The following SIPA1 variants were observed in gnomAD, a reference collection of about 807,000 sequenced individuals.
SIPA1 encodes signal-induced proliferation-associated protein 1.
A neutral mutation model predicts 88.1 loss-of-function variants in SIPA1; 51 were observed. That is an observed-to-expected ratio of 0.58 (90% confidence interval 0.46 to 0.73). The LOEUF (loss-of-function observed/expected upper bound fraction) is 0.73. Among genes scored for constraint, SIPA1 ranks in the 30% least tolerant of loss-of-function variants. The pLI, the probability that SIPA1 is intolerant of heterozygous loss-of-function variation, is 0.00. For synonymous variants in SIPA1, 681 were observed against 664.8 expected (o/e 1.02, Z -0.37); for missense variants, 1,348 against 1,467.6 (o/e 0.92, Z 1.33).
chr11:65,640,709 G>A (rs774025087), intron 1 of SIPA1, 122 bp from the exon 2 acceptor site: 14 of 507,136 alleles, frequency 2.8e-5, no homozygotes, highest in African/African-American at 6.1e-5. Context: ...CCTGGAAAGC[G>A]GAAGCAGCTT....
chr11:65,639,571 C>T (rs892606283), intron 1 of SIPA1, among the ~76,000 whole-genome samples: 5 of 152,252 alleles, frequency 3.3e-5, no homozygotes, highest in East Asian at 1.9e-4. Context: ...CACCCCCCTC[C>T]GGCCCAGCCC....
rs1590926845 is a variant in SIPA1 at position 65,650,030 on chromosome 11, C to T, written c.2827C>T (p.Leu943=). 17 of 1,613,964 alleles carry T rather than the reference C, an allele frequency of 1.1e-5. No individual in the cohort carries two copies. Among genetic ancestry groups the T allele is most frequent in the Non-Finnish European group, 1.3e-5 (15 of 1,179,966 alleles). The change falls in exon 13 of 16, where the codon CTG becomes TTG. Residue 943 remains leucine (L), a synonymous_variant. Coordinates refer to ENST00000534313, the MANE Select transcript of SIPA1 (RefSeq NM_006747.4). ...SEIASTCNTI[L]ESLSREGQPI... ...GATTGCCTCTACTTGCAACACCATT[C>T]TGGAGTCGCTGTCCCGAGAGGGTGA...
In SIPA1 at chr11:65,650,554, TC is replaced by T; in HGVS notation, c.2983-11del. The T allele has an allele frequency of 1.2e-6, 2 of 1,608,846 alleles. No individual in the cohort carries two copies. The highest frequency in any genetic ancestry group is 3.4e-5 in the Admixed American group (2 of 59,168). Reference sequence around the variant, plus strand: ...GGGGCTGGCGGCTCTGACTCCTGTCTCCCCGGCACCCCAGGAGAAGGCGGAC... The same window carrying T: ...GGGGCTGGCGGCTCTGACTCCTGTCTCCCGGCACCCCAGGAGAAGGCGGAC... On this transcript the variant is annotated splice_polypyrimidine_tract_variant and intron_variant, in intron 15 of 15. Coordinates refer to ENST00000534313, the MANE Select transcript of SIPA1 (RefSeq NM_006747.4).
Position 65,641,565 on chromosome 11 carries a change from G to T in SIPA1, c.644G>T (p.Gly215Val). 6.2e-7 allele frequency: 1 copy of T among 1,611,740 alleles called. No homozygotes were observed. Among genetic ancestry groups the T allele is most frequent in the Non-Finnish European group, 8.5e-7 (1 of 1,179,684 alleles). The part of the protein sequence containing the change: ...SAYSLEHADL[G>V]AGYYRKYFYG... ...TACAGCCTGGAGCACGCAGACCTGG[G>T]TGCTGGCTACTACCGCAAATACTTC... The change falls in exon 2 of 16, where the codon GGT becomes GTT. Residue 215 changes from glycine to valine, a missense_variant. Transcript: ENST00000534313.
Position 65,647,461 on chromosome 11 carries a change from C to G in SIPA1, c.2109C>G (p.Asp703Glu). 6.8e-7 allele frequency: 1 copy of G among 1,480,394 alleles called. No individual in the cohort carries two copies. The highest frequency in any genetic ancestry group is 8.9e-7 in the Non-Finnish European group (1 of 1,124,162). 91.7% of individuals were successfully genotyped at this position (1,480,394 alleles called of 1,614,324 possible). ...AAGGCCGCCTGGGCTTCGAGGTGGA[C>G]GCCGAGGGATTCGTCACGCACGTGG... Reference protein sequence around the residue: ...DGQGRLGFEVDAEGFVTHVER... With the variant: ...DGQGRLGFEVEAEGFVTHVER... Residue 703 changes from aspartate (D) to glutamate (E), a missense_variant, in exon 9 of 16, where the codon GAC (aspartate) becomes GAG (glutamate). By Grantham distance (45) the Asp-to-Glu change is conservative. This residue lies in a region of SIPA1 where 615 missense variants were observed against 559.8 expected (regional missense o/e 1.10). Transcript: ENST00000534313.
Position 65,646,733 on chromosome 11 carries a change from G to A in SIPA1, c.1699G>A (p.Ala567Thr), listed in dbSNP as rs1227886629. ...LPSLGGRRRA[A>T]PRGPGAELQA... ...CTCCCTGGGTGGGAGGCGCCGGGCG[G>A]CCCCTCGGGGCCCAGGCGCCGAGCT... Residue 567 changes from alanine (A) to threonine (T), a missense_variant, in exon 8 of 16, where the codon GCC (alanine) becomes ACC (threonine). This residue lies in a region of SIPA1 where 68 missense variants were observed against 59.0 expected (regional missense o/e 1.15). Coordinates refer to ENST00000534313, the MANE Select transcript of SIPA1 (RefSeq NM_006747.4). This position sits in a 1 kb window ranked among gnomAD's most constrained non-coding sequence, Gnocchi z 7.5. 1.3e-6 allele frequency: 2 copies of A among 1,523,854 alleles called. No homozygotes were observed. Among genetic ancestry groups the A allele is most frequent in the East Asian group, 4.9e-5 (2 of 40,522 alleles). 94.4% of individuals were successfully genotyped at this position (1,523,854 alleles called of 1,614,324 possible).
Position 65,646,419 on chromosome 11 carries a change from G to A in SIPA1, c.1422-37G>A, listed in dbSNP as rs1487025491. 1 of 1,598,584 alleles carries A rather than the reference G, an allele frequency of 6.3e-7. No individual in the cohort carries two copies. Among genetic ancestry groups the A allele is most frequent in the Admixed American group, 1.7e-5 (1 of 59,850 alleles). On this transcript the variant is annotated intron_variant, in intron 7 of 15. Coordinates refer to ENST00000534313, the MANE Select transcript of SIPA1 (RefSeq NM_006747.4). This position sits in a 1 kb window ranked among gnomAD's most constrained non-coding sequence, Gnocchi z 7.5. ...GTCCCAGGTCTCCCGTGGGCATGGA[G>A]TCCTGCCGCCCCTCACTAACGCCTC...
At chr11:65,645,412 G>A (rs1856091091) in intron 5 of SIPA1, among the ~76,000 whole-genome samples, 1 of 152,078 alleles carries the variant, frequency 6.6e-6, no homozygotes. Flanking sequence ...CAGCCTCGTG[G>A]AAGAGAGGTG....
Position 65,650,859 on chromosome 11 carries a change from C to T in SIPA1, c.*144C>T, listed in dbSNP as rs1327417777. The T allele has an allele frequency of 3.5e-6, 3 of 846,424 alleles. No individual in the cohort carries two copies. The highest frequency in any genetic ancestry group is 5.3e-6 in the Non-Finnish European group (3 of 567,146). 52.4% of individuals were successfully genotyped at this position (846,424 alleles called of 1,614,324 possible). A position where few individuals can be genotyped will look rare whatever the true frequency, so the allele number is the denominator to read the frequency against. The stretch of plus-strand genomic sequence containing the variant: ...TGGCGGAAGTGGCCTCCACCCCTTC[C>T]CTGTTTGTAAATATTCTGTGGAGAA... On this transcript the variant is annotated 3_prime_UTR_variant, in exon 16 of 16. Coordinates refer to ENST00000534313, the MANE Select transcript of SIPA1 (RefSeq NM_006747.4).
rs1309595907 is a variant in SIPA1 at position 65,650,757 on chromosome 11, C to T, written c.*42C>T. On this transcript the variant is annotated 3_prime_UTR_variant, in exon 16 of 16. Transcript: ENST00000534313. Reference sequence around the variant, plus strand: ...TGGGCCCCTGAGGGCACTGTGGTCACACTGGGCCCTCCTCAGGAACTCTCC... The same window carrying T: ...TGGGCCCCTGAGGGCACTGTGGTCATACTGGGCCCTCCTCAGGAACTCTCC... 6.7e-7 allele frequency: 1 copy of T among 1,503,322 alleles called. No homozygotes were observed. The highest frequency in any genetic ancestry group is 8.9e-7 in the Non-Finnish European group (1 of 1,123,514). 93.1% of individuals were successfully genotyped at this position (1,503,322 alleles called of 1,614,324 possible). A position where few individuals can be genotyped will look rare whatever the true frequency, so the allele number is the denominator to read the frequency against.
chr11:65,646,343 G>A lies in SIPA1; in HGVS notation c.1386G>A (p.Arg462=). ...TCCAGCACGTGTTCCTAGTGGTGCG[G>A]GCACACACACCCTGCACGCCACACA... is the stretch of plus-strand genomic sequence containing the variant. ...SHFQHVFLVV[R]AHTPCTPHTT... Residue 462 remains arginine (R), a synonymous_variant, in exon 7 of 16, where the codon CGG becomes CGA. Transcript: ENST00000534313. This position sits in a 1 kb window ranked among gnomAD's most constrained non-coding sequence, Gnocchi z 7.5. 6.2e-7 allele frequency: 1 copy of A among 1,613,324 alleles called. No homozygotes were observed.
rs1404504308 is a variant in SIPA1 at position 65,647,425 on chromosome 11, C to T, written c.2073C>T (p.Pro691=). ...RGCETRELAL[P]RDGQGRLGFE... The stretch of plus-strand genomic sequence containing the variant: ...GCGAGACCCGCGAGCTGGCGCTGCC[C>T]CGCGACGGTCAAGGCCGCCTGGGCT... Residue 691 remains proline, a synonymous_variant, in exon 9 of 16, where the codon CCC becomes CCT. Transcript: ENST00000534313. The T allele has an allele frequency of 1.5e-5, 22 of 1,476,016 alleles. No individual in the cohort carries two copies. Among genetic ancestry groups the T allele is most frequent in the Non-Finnish European group, 2.0e-5 (22 of 1,120,876 alleles). The allele number at this position is 1,476,016 out of a possible 1,614,324, so 91.4% of individuals were successfully genotyped here.
In SIPA1 at chr11:65,649,563, C is replaced by G; in HGVS notation, c.2528C>G (p.Ser843Cys). The change falls in exon 11 of 16, where the codon TCT becomes TGT. Residue 843 changes from serine (S) to cysteine (C), a missense_variant and splice_region_variant. This residue lies in a region of SIPA1 where 615 missense variants were observed against 559.8 expected (regional missense o/e 1.10). Transcript: ENST00000534313. ...TGAGCCACCCCTGCTCTCCCCAGCTCTCTGTCGGATGAGGCCCCAGTCCTG... is the reference window on the plus strand; with the variant it reads ...TGAGCCACCCCTGCTCTCCCCAGCTGTCTGTCGGATGAGGCCCCAGTCCTG... ...HSQNSLSPRS[S>C]LSDEAPVLPN... The G allele has an allele frequency of 1.9e-6, 3 of 1,614,132 alleles. No individual in the cohort carries two copies. The highest frequency in any genetic ancestry group is 1.7e-6 in the Non-Finnish European group (2 of 1,180,018).
At chr11:65,647,358 G>A in intron 8 of SIPA1, 26 bp from the exon 9 acceptor site, 1 of 1,388,442 alleles carries the variant, frequency 7.2e-7, no homozygotes, top group Non-Finnish European at 9.3e-7. Flanking sequence ...CGGCAGCCCC[G>A]CCCACTCGTC....
At chr11:65,638,922 C>T (rs2509948) in intron 1 of SIPA1, among the ~76,000 whole-genome samples, 41,695 of 152,110 alleles carry the variant, frequency 0.27, 6,431 homozygotes, top group Non-Finnish European at 0.36. Flanking sequence ...CTTGCACAGA[C>T]CCCCTCCCTC....
In SIPA1 at chr11:65,646,321, A is replaced by G; in HGVS notation, c.1364A>G (p.Gln455Arg). 1.2e-6 allele frequency: 2 copies of G among 1,613,980 alleles called. No individual in the cohort carries two copies. Among genetic ancestry groups the G allele is most frequent in the South Asian group, 2.2e-5 (2 of 91,092 alleles). Residue 455 changes from glutamine to arginine, a missense_variant, in exon 7 of 16, where the codon CAG (glutamine) becomes CGG (arginine). Gln to Arg is a conservative substitution (Grantham distance 43). Coordinates refer to ENST00000534313, the MANE Select transcript of SIPA1 (RefSeq NM_006747.4). This position sits in a 1 kb window ranked among gnomAD's most constrained non-coding sequence, Gnocchi z 7.5. Reference sequence around the variant, plus strand: ...CCCACCACCATCCGCTCGCACTTCCAGCACGTGTTCCTAGTGGTGCGGGCA... The same window carrying G: ...CCCACCACCATCCGCTCGCACTTCCGGCACGTGTTCCTAGTGGTGCGGGCA... ...FCPTTIRSHFQHVFLVVRAHT... is the reference protein window; with the variant it reads ...FCPTTIRSHFRHVFLVVRAHT...
chr11:65,647,789 C>G (rs1197727656), intron 9 of SIPA1, 131 bp downstream of exon 9: 2 of 660,728 alleles, frequency 3.0e-6, no homozygotes, highest in Non-Finnish European at 4.2e-6. Context: ...AAGAATCTCC[C>G]GTCTCTTAGC....
chr11:65,649,224 AC>A, intron 9 of SIPA1, 37 bp from the exon 10 acceptor site: 1 of 1,405,130 alleles, frequency 7.1e-7, no homozygotes, highest in East Asian at 2.5e-5. Flanking sequence ...GACGCTGGGG[AC>A]TGGAGAAGTC....
chr11:65,647,341 C>T (rs1157953923), intron 8 of SIPA1, 43 bp from the exon 9 acceptor site: 30 of 1,375,100 alleles, frequency 2.2e-5, no homozygotes, highest in Non-Finnish European at 2.7e-5. Flanking sequence ...GGGGCGGCCC[C>T]ACCTCCCGGC....
Sources: gnomAD v4.1 joint callset for allele counts (sites outside exome capture counted in the v4.1 genomes callset) on GRCh38, gnomAD v4.1.1 for gene constraint, gnomAD v4.1.1 regional missense constraint, Gnocchi (gnomAD v3.1) non-coding constraint, MANE v1.5 for transcripts, NCBI Gene and HGNC (gene_info 2026-07-23, HGNC 2026-07-21) for gene names.